Variants in AUTS2 observed in about 807,000 individuals in gnomAD.
The protein encoded by AUTS2 is autism susceptibility gene 2 protein.
Under a neutral mutation model 112.4 loss-of-function variants are expected in AUTS2, and 17 were observed. The observed-to-expected ratio is 0.15, with a 90% CI of 0.10 to 0.23. The LOEUF is 0.23. Among genes scored for constraint, AUTS2 ranks in the 10% least tolerant of loss-of-function variants. The pLI is 1.00. For missense variants in AUTS2, 1,510 were observed against 1,701.6 expected, an observed-to-expected ratio of 0.89 and a Z score of 1.98; for synonymous variants, 751 against 702.7, an observed-to-expected ratio of 1.07 and a Z score of -1.09.
At chr7:70,772,024 C>A (rs1790380276) in intron 11 of AUTS2, among the ~76,000 whole-genome samples, 1 of 152,208 alleles carries the variant, frequency 6.6e-6, no homozygotes, top group Non-Finnish European at 1.5e-5. Context: ...AGTAAAGACA[C>A]AAAGCTGGGT....
intron 4 of AUTS2, among the ~76,000 whole-genome samples, chr7:70,395,666 A>G (rs1293572003): frequency 6.6e-6 from 1 of 152,184 alleles, no homozygotes; most frequent in Non-Finnish European, 1.5e-5. Flanking sequence ...GTTAGTTGAC[A>G]GCTTTGCTTC....
chr7:70,241,574 C>A (rs1812615381), intron 4 of AUTS2, among the ~76,000 whole-genome samples: 1 of 152,076 alleles, frequency 6.6e-6, no homozygotes, highest in Admixed American at 6.5e-5. Flanking sequence ...TTCTCCATTC[C>A]TTCATCCCTA....
At position 70,364,988 on chromosome 7, in the gene AUTS2, A is replaced by G. The variant is rs118097239; in HGVS notation, c.661-70764A>G. The stretch of plus-strand genomic sequence containing the variant: ...AAGTTGGCGTGCTACTTCCTTTTTC[A>G]TCAGGTACAGTAGCTCAGTTTAGAC... On this transcript the variant is annotated intron_variant, in intron 4 of 18. Transcript: ENST00000342771. Among the ~76,000 whole-genome samples the G allele has an allele frequency of 3.8e-3, 583 of 152,300 alleles. 3 individuals are homozygous for G. Among genetic ancestry groups the G allele is most frequent in the African/African-American group, 0.01 (432 of 41,554 alleles).
chr7:70,677,072 C>T (rs1391721646), intron 5 of AUTS2, among the ~76,000 whole-genome samples: 1 of 152,182 alleles, frequency 6.6e-6, no homozygotes, highest in Non-Finnish European at 1.5e-5. Context: ...CAGCGATCCA[C>T]CTGTCTTTTC....
intron 4 of AUTS2, among the ~76,000 whole-genome samples, chr7:70,150,451 A>G (rs1239222901): frequency 6.6e-6 from 1 of 152,186 alleles, no homozygotes; most frequent in African/African-American, 2.4e-5. Flanking sequence ...CACTAGTCCA[A>G]ATTGCAAAGA....
At chr7:69,633,029 A>G (rs1013642106) in intron 1 of AUTS2, among the ~76,000 whole-genome samples, 13 of 152,106 alleles carry the variant, frequency 8.5e-5, no homozygotes, top group Middle Eastern at 3.2e-3. Flanking sequence ...GTACAATTTT[A>G]TTACCTTTAG....
intron 1 of AUTS2, among the ~76,000 whole-genome samples, chr7:69,681,561 C>G (rs192516641): frequency 6.6e-6 from 1 of 152,124 alleles, no homozygotes; most frequent in South Asian, 2.1e-4. Context: ...CACTGACTTA[C>G]GCATAGAATG....
intron 6 of AUTS2, among the ~76,000 whole-genome samples, chr7:70,735,618 A>G (rs1787738022): frequency 1.3e-5 from 2 of 152,124 alleles, no homozygotes; most frequent in African/African-American, 4.8e-5. Flanking sequence ...CGGTAGCCTA[A>G]ATGACTTTCC....
intron 4 of AUTS2, among the ~76,000 whole-genome samples, chr7:70,164,567 C>T (rs189944805): frequency 6.6e-6 from 1 of 151,918 alleles, no homozygotes; most frequent in Admixed American, 6.6e-5. Flanking sequence ...ATGATTAGAC[C>T]CTCAGTTGGC....
chr7:69,956,232 T>A (rs1797203653), intron 2 of AUTS2, among the ~76,000 whole-genome samples: 1 of 151,922 alleles, frequency 6.6e-6, no homozygotes, highest in Non-Finnish European at 1.5e-5. Context: ...AGCACTAGAG[T>A]ATGGCTTTCA....
chr7:69,800,752 T>C (rs1210022067), intron 1 of AUTS2, among the ~76,000 whole-genome samples: 1 of 152,070 alleles, frequency 6.6e-6, no homozygotes, highest in Non-Finnish European at 1.5e-5. Flanking sequence ...TGTGACTAGG[T>C]CCCTGCCCAC....
Position 70,631,084 on chromosome 7 carries a change from T to C in AUTS2, c.691-67485T>C, listed in dbSNP as rs975501992. ...TATTGCTCAGTCTGTCAGAATGGGC[T>C]GCTTCCCTCAGCAGCAGCCACAGCC... On this transcript the variant is annotated intron_variant, in intron 5 of 18. Coordinates refer to ENST00000342771, the MANE Select transcript of AUTS2 (RefSeq NM_015570.4). The surrounding 1 kb of genome is among the most constrained non-coding windows in gnomAD (Gnocchi z 4.5). 1.3e-5 allele frequency among the ~76,000 whole-genome samples: 2 copies of C among 152,182 alleles called. No individual in the cohort carries two copies. The highest frequency in any genetic ancestry group is 4.8e-5 in the African/African-American group (2 of 41,452).
chr7:70,079,907 G>C (rs1347274154), intron 2 of AUTS2, among the ~76,000 whole-genome samples: 1 of 152,182 alleles, frequency 6.6e-6, no homozygotes, highest in African/African-American at 2.4e-5. Flanking sequence ...CCTTCTTGCT[G>C]TATCACAGTG....
At chr7:70,666,997 C>T (rs1807386150) in intron 5 of AUTS2, among the ~76,000 whole-genome samples, 2 of 148,724 alleles carry the variant, frequency 1.3e-5, no homozygotes, top group East Asian at 2.0e-4. Context: ...AAAAAGTTTC[C>T]TTCCCCCCTC....
chr7:70,633,042 G>A (rs775366460), intron 5 of AUTS2, among the ~76,000 whole-genome samples: 1 of 152,172 alleles, frequency 6.6e-6, no homozygotes, highest in South Asian at 2.1e-4. Context: ...CGCATGGGGC[G>A]AGGGCTCTGA....
chr7:70,379,627 A>T (rs1447121966), intron 4 of AUTS2, among the ~76,000 whole-genome samples: 1 of 152,222 alleles, frequency 6.6e-6, no homozygotes, highest in African/African-American at 2.4e-5. Flanking sequence ...AGAATAAAAG[A>T]TGTAGTTGTA....
At chr7:70,708,745 T>C (rs1225867449) in intron 6 of AUTS2, among the ~76,000 whole-genome samples, 1 of 152,176 alleles carries the variant, frequency 6.6e-6, no homozygotes, top group East Asian at 1.9e-4. Flanking sequence ...TGCTCATCGT[T>C]AGACTAAAAC....
chr7:70,421,736 C>T (rs927300104), intron 4 of AUTS2, among the ~76,000 whole-genome samples: 6 of 152,166 alleles, frequency 3.9e-5, no homozygotes, highest in Admixed American at 1.3e-4. Context: ...TTCTTTTCCT[C>T]CAAATAGAGA....
chr7:70,022,151 A>G (rs911134155), intron 2 of AUTS2, among the ~76,000 whole-genome samples: 2 of 150,256 alleles, frequency 1.3e-5, no homozygotes, highest in Non-Finnish European at 3.0e-5. Context: ...ATTGGCAAAA[A>G]CATCAGAGAA....
Sources: allele counts gnomAD v4.1 joint callset (sites outside exome capture counted in the v4.1 genomes callset), GRCh38; gene constraint gnomAD v4.1.1; non-coding constraint Gnocchi (gnomAD v3.1); transcripts MANE v1.5; gene names NCBI Gene and HGNC (gene_info 2026-07-23, HGNC 2026-07-21).